EFNA5: variants seen among roughly 807,000 people sequenced by gnomAD.
EFNA5 encodes ephrin-A5.
Under a neutral mutation model 22.9 loss-of-function variants are expected in EFNA5, and 5 were observed. The ratio of observed to expected loss-of-function variants is 0.22; its 90% CI spans 0.11 to 0.46. The LOEUF is 0.46. Among genes scored for constraint, EFNA5 ranks in the 20% least tolerant of loss-of-function variants. The probability of loss-of-function intolerance (pLI) is 0.99; values close to 1 mark genes in which losing one functional copy is unlikely to be tolerated. For synonymous variants in EFNA5, 113 were observed against 112.2 expected (o/e 1.01, Z -0.04); for missense variants, 237 against 293.3 (o/e 0.81, Z 1.40).
Position 107,476,058 on chromosome 5 carries a change from T to TATACATATATATATA in EFNA5, c.126-48550_126-48549insTATATATATATGTAT. On this transcript the variant is annotated intron_variant, in intron 1 of 4. Transcript: ENST00000333274. ...GAGAGTTTTTAAACTATATATATAT[T>TATACATATATATATA]TTTTTTTTTTGAGACAGAGTCTTGC... 4.4e-4 allele frequency among the ~76,000 whole-genome samples: 18 copies of TATACATATATATATA among 41,090 alleles called. 1 individual carries two copies. The highest frequency in any genetic ancestry group is 3.3e-3 in the African/African-American group (17 of 5,184). 27.0% of individuals were successfully genotyped at this position (41,090 alleles called of 152,430 possible).
At chr5:107,561,373 C>T (rs1287798484) in intron 1 of EFNA5, among the ~76,000 whole-genome samples, 1 of 151,988 alleles carries the variant, frequency 6.6e-6, no homozygotes, top group African/African-American at 2.4e-5. Context: ...GAAAAAAGTA[C>T]ACTTTTTTTT....
chr5:107,511,042 G>GTGTGTT (rs55990810), intron 1 of EFNA5, among the ~76,000 whole-genome samples: 1 of 146,218 alleles, frequency 6.8e-6, no homozygotes, highest in Non-Finnish European at 1.5e-5. Context: ...GTGTGTGTGT[G>GTGTGTT]AGACGGAGAG....
chr5:107,437,790 A>G (rs1362470109), intron 1 of EFNA5, among the ~76,000 whole-genome samples: 1 of 152,200 alleles, frequency 6.6e-6, no homozygotes, highest in African/African-American at 2.4e-5. Flanking sequence ...TCTGGGTCCC[A>G]GTATAAAATT....
chr5:107,516,382 G>C (rs1747482970), intron 1 of EFNA5, among the ~76,000 whole-genome samples: 1 of 151,920 alleles, frequency 6.6e-6, no homozygotes, highest in Non-Finnish European at 1.5e-5. Context: ...GGAATCAAGA[G>C]AATTTAATCC....
At chr5:107,456,211 A>G (rs1363109968) in intron 1 of EFNA5, among the ~76,000 whole-genome samples, 1 of 152,118 alleles carries the variant, frequency 6.6e-6, no homozygotes, top group Admixed American at 6.6e-5. Context: ...ATATCAATCT[A>G]AAGTTAATTT....
chr5:107,625,737 T>C (rs962300593), intron 1 of EFNA5, among the ~76,000 whole-genome samples: 7 of 152,190 alleles, frequency 4.6e-5, no homozygotes, highest in East Asian at 1.9e-4. Flanking sequence ...TATGACACTT[T>C]CCATAATTCA....
At chr5:107,590,092 T>C (rs1177761508) in intron 1 of EFNA5, among the ~76,000 whole-genome samples, 1 of 116,014 alleles carries the variant, frequency 8.6e-6, no homozygotes, top group Non-Finnish European at 1.9e-5. Context: ...CATACTTCCA[T>C]ACCTTGTTTC....
intron 1 of EFNA5, among the ~76,000 whole-genome samples, chr5:107,611,030 C>T (rs150473707): frequency 6.6e-6 from 1 of 152,130 alleles, no homozygotes; most frequent in African/African-American, 2.4e-5. Context: ...TTTAACTATG[C>T]GCCTATTCCC....
intron 1 of EFNA5, among the ~76,000 whole-genome samples, chr5:107,618,539 T>A (rs989172693): frequency 6.6e-6 from 1 of 152,196 alleles, no homozygotes; most frequent in Non-Finnish European, 1.5e-5. Flanking sequence ...AGAAAATACA[T>A]TTGGCATAAT....
At chr5:107,521,914 C>A (rs888005358) in intron 1 of EFNA5, among the ~76,000 whole-genome samples, 2 of 152,080 alleles carry the variant, frequency 1.3e-5, no homozygotes, top group Non-Finnish European at 2.9e-5. Flanking sequence ...CACACTACAG[C>A]CTCCAACTCC....
chr5:107,422,197 A>C (rs1748686000), intron 2 of EFNA5, among the ~76,000 whole-genome samples: 1 of 152,016 alleles, frequency 6.6e-6, no homozygotes, highest in Non-Finnish European at 1.5e-5. Context: ...CAGTTTCTTC[A>C]CCTGTAAATA....
At chr5:107,385,816 C>A (rs1195361011) in intron 4 of EFNA5, among the ~76,000 whole-genome samples, 1 of 152,130 alleles carries the variant, frequency 6.6e-6, no homozygotes, top group South Asian at 2.1e-4. Context: ...AATTAAAATG[C>A]CTTCATGTCA....
chr5:107,496,518 T>C (rs966151330), intron 1 of EFNA5, among the ~76,000 whole-genome samples: 2 of 151,732 alleles, frequency 1.3e-5, no homozygotes, highest in Non-Finnish European at 2.9e-5. Context: ...GATTGAGAAG[T>C]ACCTTATCAC....
At chr5:107,555,420 A>C (rs1287435425) in intron 1 of EFNA5, among the ~76,000 whole-genome samples, 5 of 152,230 alleles carry the variant, frequency 3.3e-5, no homozygotes, top group Non-Finnish European at 7.3e-5. Flanking sequence ...GAGAAGAGGA[A>C]TGGAGATTTT....
intron 1 of EFNA5, among the ~76,000 whole-genome samples, chr5:107,628,466 C>T (rs1336156143): frequency 6.6e-6 from 1 of 152,090 alleles, no homozygotes; most frequent in Non-Finnish European, 1.5e-5. Context: ...CTCCACTTTC[C>T]CCAATCCATT....
At chr5:107,448,370 T>C (rs1244488514) in intron 1 of EFNA5, among the ~76,000 whole-genome samples, 3 of 152,226 alleles carry the variant, frequency 2.0e-5, no homozygotes, top group African/African-American at 7.2e-5. Context: ...GAATGCTAGA[T>C]ACTGGCACTG....
intron 1 of EFNA5, among the ~76,000 whole-genome samples, chr5:107,464,164 C>A (rs1749911963): frequency 6.6e-6 from 1 of 152,126 alleles, no homozygotes; most frequent in Non-Finnish European, 1.5e-5. Flanking sequence ...ACCTCCTAAC[C>A]TCTGGAGTCT....
At chr5:107,563,567 G>C (rs1234199991) in intron 1 of EFNA5, among the ~76,000 whole-genome samples, 1 of 126,918 alleles carries the variant, frequency 7.9e-6, no homozygotes, top group African/African-American at 2.7e-5. Context: ...CTCCTAAGTA[G>C]CTGGGACAAC....
chr5:107,546,651 AACACACACACACACACAC>A (rs767896375), intron 1 of EFNA5, among the ~76,000 whole-genome samples: 2 of 121,304 alleles, frequency 1.6e-5, no homozygotes, highest in Admixed American at 8.7e-5. Context: ...TGGTGCGTAA[AACACACACACACACACAC>A]ACACACACAC....
Sources: gnomAD v4.1 joint callset for allele counts (sites outside exome capture counted in the v4.1 genomes callset) on GRCh38, gnomAD v4.1.1 for gene constraint, MANE v1.5 for transcripts, NCBI Gene and HGNC (gene_info 2026-07-23, HGNC 2026-07-21) for gene names.